The following NEURL1B variants were observed in gnomAD, a reference collection of about 807,000 sequenced individuals.
NEURL1B encodes the protein neuralized E3 ubiquitin protein ligase 1B.
Under a neutral mutation model 37.4 loss-of-function variants are expected in NEURL1B, and 13 were observed. The ratio of observed to expected loss-of-function variants is 0.35; its 90% CI spans 0.23 to 0.55. The LOEUF is 0.55. NEURL1B is among the 20% of genes least tolerant of loss of function. The pLI is 0.89. For missense variants in NEURL1B, 790 were observed against 879.2 expected (o/e 0.90, Z 1.28); for synonymous variants, 432 against 426.6 (o/e 1.01, Z -0.16).
In NEURL1B at chr5:172,676,562, G is replaced by GT. The variant is rs1474928753; in HGVS notation, c.577+6233dup. Among the ~76,000 whole-genome samples the GT allele has an allele frequency of 6.6e-6, 1 of 152,226 alleles. No individual in the cohort carries two copies. The highest frequency in any genetic ancestry group is 1.5e-5 in the Non-Finnish European group (1 of 68,032). On this transcript the variant is annotated intron_variant, in intron 2 of 4. Coordinates refer to ENST00000369800, the MANE Select transcript of NEURL1B (RefSeq NM_001142651.3). The surrounding 1 kb of genome is among the most constrained non-coding windows in gnomAD (Gnocchi z 4.5). ...CTCCTGACTCCTGAGGCAATGGGAGGTGGGGGTGGGGCAGTTCCCTCCAAA... is the reference window on the plus strand; with the variant it reads ...CTCCTGACTCCTGAGGCAATGGGAGGTTGGGGGTGGGGCAGTTCCCTCCAAA...
chr5:172,650,306 T>C (rs1307559402), intron 1 of NEURL1B, among the ~76,000 whole-genome samples: 2 of 152,118 alleles, frequency 1.3e-5, no homozygotes, highest in African/African-American at 4.8e-5. Flanking sequence ...GGGCAGGAGA[T>C]GGCAGAGTGG....
rs781569198 is a variant in NEURL1B, at chr5:172,661,230, G to C, written c.32-8555G>C. On this transcript the variant is annotated intron_variant, in intron 1 of 4. Transcript: ENST00000369800. The surrounding 1 kb of genome is among the most constrained non-coding windows in gnomAD (Gnocchi z 4.0). ...CAAGGACGCATGTTATAAAGGTCCA[G>C]GTCCAGGAAGCCCCTGAAGTTGAAT... 6.6e-6 allele frequency among the ~76,000 whole-genome samples: 1 copy of C among 152,206 alleles called. No homozygotes were observed. The highest frequency in any genetic ancestry group is 1.5e-5 in the Non-Finnish European group (1 of 68,040).
chr5:172,649,345 CTTTTTTTTTTTTTTT>C (rs70984904), intron 1 of NEURL1B, among the ~76,000 whole-genome samples: 44 of 65,230 alleles, frequency 6.7e-4, no homozygotes, highest in East Asian at 2.9e-3. Flanking sequence ...CCCTTCACTT[CTTTTTTTTTTTTTTT>C]TTTTTTTTTT....
intron 1 of NEURL1B, among the ~76,000 whole-genome samples, chr5:172,658,972 A>G (rs1174035166): frequency 6.6e-6 from 1 of 151,800 alleles, no homozygotes; most frequent in East Asian, 1.9e-4. Context: ...AGTTCCGCCA[A>G]ACTGTGGCCT....
At chr5:172,674,308 T>A (rs537071866) in intron 2 of NEURL1B, among the ~76,000 whole-genome samples, 1 of 151,922 alleles carries the variant, frequency 6.6e-6, no homozygotes, top group African/African-American at 2.4e-5. Context: ...CCTCACATAT[T>A]TTTTTTGCCT....
Position 172,665,865 on chromosome 5 carries a change from A to G in NEURL1B, c.32-3920A>G, listed in dbSNP as rs949510956. Among the ~76,000 whole-genome samples, 13 of 151,896 alleles carry G rather than the reference A, an allele frequency of 8.6e-5. No homozygotes were observed. Among genetic ancestry groups the G allele is most frequent in the African/African-American group, 3.1e-4 (13 of 41,382 alleles). On this transcript the variant is annotated intron_variant, in intron 1 of 4. Coordinates refer to ENST00000369800, the MANE Select transcript of NEURL1B (RefSeq NM_001142651.3). The surrounding 1 kb of genome is among the most constrained non-coding windows in gnomAD (Gnocchi z 4.1). ...GCCATCGCCTGAGATGGTCTTTATC[A>G]CGCCTGTTGTCGTTGGGCATTCAGC...
At chr5:172,663,246 G>A (rs1221193231) in intron 1 of NEURL1B, among the ~76,000 whole-genome samples, 1 of 152,028 alleles carries the variant, frequency 6.6e-6, no homozygotes, top group Non-Finnish European at 1.5e-5. Context: ...GGATTGACCA[G>A]GTGCAGTGGC....
Position 172,683,388 on chromosome 5 carries a change from C to T in NEURL1B, c.578-31C>T. ...CGACCAGCCTGACGCGCGGCCTCTCCCCCTCCATGTCCCTCCCTTTGTCCG... is the reference window on the plus strand; with the variant it reads ...CGACCAGCCTGACGCGCGGCCTCTCTCCCTCCATGTCCCTCCCTTTGTCCG... On this transcript the variant is annotated intron_variant, in intron 2 of 4. Coordinates refer to ENST00000369800, the MANE Select transcript of NEURL1B (RefSeq NM_001142651.3). This position sits in a 1 kb window ranked among gnomAD's most constrained non-coding sequence, Gnocchi z 5.6. 2 of 1,291,942 alleles carry T rather than the reference C, an allele frequency of 1.5e-6. No individual in the cohort carries two copies. Among genetic ancestry groups the T allele is most frequent in the Non-Finnish European group, 2.0e-6 (2 of 1,014,662 alleles). 80.0% of individuals were successfully genotyped at this position (1,291,942 alleles called of 1,614,324 possible).
chr5:172,681,606 G>A (rs1297387806), intron 2 of NEURL1B, among the ~76,000 whole-genome samples: 1 of 152,202 alleles, frequency 6.6e-6, no homozygotes, highest in Non-Finnish European at 1.5e-5. Flanking sequence ...ACAAGGGCAA[G>A]CTTCTTTAGC....
Position 172,657,667 on chromosome 5 carries a change from G to A in NEURL1B, c.32-12118G>A, listed in dbSNP as rs1393228385. ...GTCAAGTGGTAACGCCGGTGTCTGG[G>A]AAGGCACCTGTTACTTAGCCGACCA... is the stretch of plus-strand genomic sequence containing the variant. On this transcript the variant is annotated intron_variant, in intron 1 of 4. Transcript: ENST00000369800. This position sits in a 1 kb window ranked among gnomAD's most constrained non-coding sequence, Gnocchi z 4.0. Among the ~76,000 whole-genome samples the A allele has an allele frequency of 3.9e-5, 6 of 152,136 alleles. No homozygotes were observed. The highest frequency in any genetic ancestry group is 8.8e-5 in the Non-Finnish European group (6 of 68,038).
rs1048618110 is a variant in NEURL1B, at chr5:172,647,452, C to T, written c.31+6015C>T. On this transcript the variant is annotated intron_variant, in intron 1 of 4. Coordinates refer to ENST00000369800, the MANE Select transcript of NEURL1B (RefSeq NM_001142651.3). The surrounding 1 kb of genome is among the most constrained non-coding windows in gnomAD (Gnocchi z 4.2). Reference sequence around the variant, plus strand: ...GCTCAGAGGGGTAGTGAGACCTGCCCGGCCCAGGTGGCCAGGAAGTGGCAG... The same window carrying T: ...GCTCAGAGGGGTAGTGAGACCTGCCTGGCCCAGGTGGCCAGGAAGTGGCAG... 4.6e-5 allele frequency among the ~76,000 whole-genome samples: 7 copies of T among 152,190 alleles called. No homozygotes were observed. The highest frequency in any genetic ancestry group is 1.7e-4 in the African/African-American group (7 of 41,522).
intron 1 of NEURL1B, among the ~76,000 whole-genome samples, chr5:172,669,160 G>A (rs1164337643): frequency 6.6e-6 from 1 of 152,198 alleles, no homozygotes; most frequent in Non-Finnish European, 1.5e-5. Context: ...GCAGCTGTGT[G>A]AGTGGAGTCA....
At position 172,665,347 on chromosome 5, in the gene NEURL1B, C is replaced by T. The variant is rs1325762064; in HGVS notation, c.32-4438C>T. On this transcript the variant is annotated intron_variant, in intron 1 of 4. Coordinates refer to ENST00000369800, the MANE Select transcript of NEURL1B (RefSeq NM_001142651.3). The surrounding 1 kb of genome is among the most constrained non-coding windows in gnomAD (Gnocchi z 4.1). ...TCCCTGAGCTATCTCTGCCGATGGT[C>T]TGCACCCGGGTGCTGTTTCCCCTGC... Among the ~76,000 whole-genome samples the T allele has an allele frequency of 6.6e-6, 1 of 152,212 alleles. No homozygotes were observed. The highest frequency in any genetic ancestry group is 2.4e-5 in the African/African-American group (1 of 41,456).
At chr5:172,652,527 G>C (rs1757686750) in intron 1 of NEURL1B, among the ~76,000 whole-genome samples, 1 of 152,200 alleles carries the variant, frequency 6.6e-6, no homozygotes, top group South Asian at 2.1e-4. Context: ...TACAGAAACC[G>C]GTTGGGGCAG....
In NEURL1B at chr5:172,669,922, C is replaced by T. The variant is rs1384987948; in HGVS notation, c.169C>T (p.Arg57Cys). ...GAACGTGCGGCTGGACGGCCACTCG[C>T]GCCGGGCCACACGGCGCAACAGCTT... ...GKNVRLDGHS[R>C]RATRRNSFCN... The change falls in exon 2 of 5, where the codon CGC (arginine) becomes TGC (cysteine). Residue 57 changes from arginine (R) to cysteine (C), a missense_variant. Around this residue, in one of 3 missense-constraint regions of NEURL1B, gnomAD observed 215 missense variants for 309.2 expected, o/e 0.70. Coordinates refer to ENST00000369800, the MANE Select transcript of NEURL1B (RefSeq NM_001142651.3). 6.9e-7 allele frequency: 1 copy of T among 1,453,226 alleles called. No homozygotes were observed. The highest frequency in any genetic ancestry group is 9.0e-7 in the Non-Finnish European group (1 of 1,108,000). 90.0% of individuals were successfully genotyped at this position (1,453,226 alleles called of 1,614,324 possible). A position where few individuals can be genotyped will look rare whatever the true frequency, so the allele number is the denominator to read the frequency against.
chr5:172,643,757 GA>G (rs1757511004), intron 1 of NEURL1B, among the ~76,000 whole-genome samples: 1 of 152,172 alleles, frequency 6.6e-6, no homozygotes, highest in South Asian at 2.1e-4. Flanking sequence ...TCGTTCTCAG[GA>G]AAAGGACACA....
At chr5:172,642,259 TA>T (rs963785600) in intron 1 of NEURL1B, among the ~76,000 whole-genome samples, 4 of 152,162 alleles carry the variant, frequency 2.6e-5, no homozygotes, top group African/African-American at 7.2e-5. Flanking sequence ...GTTTTACAAA[TA>T]AAAAAATTGA....
At chr5:172,685,110 C>A (rs945876244) in intron 3 of NEURL1B, among the ~76,000 whole-genome samples, 1 of 152,204 alleles carries the variant, frequency 6.6e-6, no homozygotes, top group Admixed American at 6.5e-5. Flanking sequence ...GGACAAATCA[C>A]AGATTCTCCT....
At chr5:172,685,562 C>G (rs928457699) in intron 3 of NEURL1B, among the ~76,000 whole-genome samples, 1 of 152,164 alleles carries the variant, frequency 6.6e-6, no homozygotes, top group Non-Finnish European at 1.5e-5. Flanking sequence ...GGGGCAAAAC[C>G]CCACTCAAAG....
Sources: gnomAD v4.1 joint callset for allele counts (sites outside exome capture counted in the v4.1 genomes callset) on GRCh38, gnomAD v4.1.1 for gene constraint, gnomAD v4.1.1 regional missense constraint, Gnocchi (gnomAD v3.1) non-coding constraint, MANE v1.5 for transcripts, NCBI Gene and HGNC (gene_info 2026-07-23, HGNC 2026-07-21) for gene names.